The following TSNARE1 variants were observed in gnomAD, a reference collection of about 807,000 sequenced individuals.
The protein encoded by TSNARE1 is t-SNARE domain-containing protein 1.
A neutral mutation model predicts 62.0 loss-of-function variants in TSNARE1; 49 were observed. The observed-to-expected ratio is 0.79, with a 90% CI of 0.63 to 1.00. The LOEUF is 1.00. Ranked by LOEUF, TSNARE1 falls within the 50% of genes least tolerant of loss-of-function variation. The pLI, the probability that TSNARE1 is intolerant of heterozygous loss-of-function variation, is 0.00. For missense variants in TSNARE1, 755 were observed against 700.1 expected, an observed-to-expected ratio of 1.08 and a Z score of -0.88; for synonymous variants, 328 against 294.4, an observed-to-expected ratio of 1.11 and a Z score of -1.17.
At position 142,316,350 on chromosome 8, in the gene TSNARE1, T is replaced by G. The variant is rs1041572206; in HGVS notation, c.985-1258A>C. On this transcript the variant is annotated intron_variant, in intron 7 of 13. Transcript: ENST00000524325. ...AGGAGTGACCCATGCATGGAAAGGC[T>G]CCAGGCCGCTCAGCACAAAGCTCCC... is the stretch of plus-strand genomic sequence containing the variant. 4.6e-5 allele frequency among the ~76,000 whole-genome samples: 7 copies of G among 151,758 alleles called. No individual in the cohort carries two copies. In the South Asian group the frequency reaches 1.2e-3, roughly 27 times the overall value.
At chr8:142,328,259 T>G (rs930373678) in intron 6 of TSNARE1, among the ~76,000 whole-genome samples, 1 of 152,188 alleles carries the variant, frequency 6.6e-6, no homozygotes, top group Admixed American at 6.5e-5. Context: ...TATAAGGGAG[T>G]AAGTACATCC....
At chr8:142,251,656 TC>T (rs1248840493) in intron 12 of TSNARE1, among the ~76,000 whole-genome samples, 2 of 152,074 alleles carry the variant, frequency 1.3e-5, no homozygotes, top group Non-Finnish European at 2.9e-5. Context: ...ACTGAGTGCC[TC>T]TTGCCAGGGC....
At chr8:142,280,214 G>A (rs1056111526) in intron 11 of TSNARE1, 79 of 985,398 alleles carry the variant, frequency 8.0e-5, no homozygotes, top group Admixed American at 6.8e-4. Context: ...GTGCGGGAGT[G>A]GGGGCCCGGC....
At chr8:142,312,740 C>A (rs1015973484) in intron 9 of TSNARE1, among the ~76,000 whole-genome samples, 2 of 152,206 alleles carry the variant, frequency 1.3e-5, no homozygotes, top group East Asian at 1.9e-4. Flanking sequence ...GTGCTGCAAT[C>A]CCCTTGTGCT....
At chr8:142,398,467 C>G (rs1023486995) in intron 1 of TSNARE1, among the ~76,000 whole-genome samples, 8 of 152,048 alleles carry the variant, frequency 5.3e-5, no homozygotes, top group Non-Finnish European at 1.2e-4. Flanking sequence ...GAGTCAGCTC[C>G]CCTCTCCACC....
chr8:142,280,780 G>A (rs937448493), intron 11 of TSNARE1, among the ~76,000 whole-genome samples: 1 of 152,192 alleles, frequency 6.6e-6, no homozygotes, highest in Non-Finnish European at 1.5e-5. Context: ...ACCTCTGGAA[G>A]CTGACAGTGG....
At chr8:142,307,675 G>A (rs557967123) in intron 9 of TSNARE1, among the ~76,000 whole-genome samples, 1 of 152,194 alleles carries the variant, frequency 6.6e-6, no homozygotes, top group Non-Finnish European at 1.5e-5. Context: ...AATATTTTCA[G>A]TCTGAGTGGT....
At chr8:142,229,330 C>G in intron 13 of TSNARE1, 143 bp downstream of exon 13, 1 of 679,648 alleles carries the variant, frequency 1.5e-6, no homozygotes, top group South Asian at 1.8e-5. Context: ...GATGGATGGA[C>G]AGATGGACGG....
Position 142,380,796 on chromosome 8 carries a change from C to T in TSNARE1, c.-40+22308G>A, listed in dbSNP as rs139830312. 9.5e-3 allele frequency among the ~76,000 whole-genome samples: 1,452 copies of T among 152,260 alleles called. 13 individuals are homozygous for T. The highest frequency in any genetic ancestry group is 0.02 in the East Asian group (106 of 5,180). On this transcript the variant is annotated intron_variant, in intron 1 of 13. Coordinates refer to ENST00000524325, the MANE Select transcript of TSNARE1 (RefSeq NM_145003.5). Reference sequence around the variant, plus strand: ...AGGGACGGCCCACGGCGGATGCCACCGACACCACCTGCTGACAGGCGTGGT... The same window carrying T: ...AGGGACGGCCCACGGCGGATGCCACTGACACCACCTGCTGACAGGCGTGGT...
chr8:142,329,565 G>A (rs191320550), intron 6 of TSNARE1, among the ~76,000 whole-genome samples: 41 of 152,286 alleles, frequency 2.7e-4, no homozygotes, highest in Non-Finnish European at 4.7e-4. Context: ...CCACAGACCC[G>A]GCCCAGAGTT....
At chr8:142,293,923 C>G (rs1824243797) in intron 10 of TSNARE1, among the ~76,000 whole-genome samples, 2 of 152,206 alleles carry the variant, frequency 1.3e-5, no homozygotes, top group South Asian at 4.1e-4. Flanking sequence ...TAAGCTTCCC[C>G]TGGCCACCAC....
intron 9 of TSNARE1, among the ~76,000 whole-genome samples, chr8:142,302,625 C>T (rs1385385119): frequency 2.0e-5 from 3 of 152,162 alleles, no homozygotes; most frequent in African/African-American, 7.2e-5. Flanking sequence ...TGGGAAAGGC[C>T]CCGCAAAGCA....
chr8:142,321,493 T>C (rs530241756), intron 6 of TSNARE1, among the ~76,000 whole-genome samples: 3 of 151,884 alleles, frequency 2.0e-5, no homozygotes, highest in Non-Finnish European at 2.9e-5. Context: ...CAATAATTAA[T>C]AAAATAGCAA....
intron 1 of TSNARE1, among the ~76,000 whole-genome samples, chr8:142,368,436 G>T (rs978483605): frequency 6.7e-6 from 1 of 149,734 alleles, no homozygotes; most frequent in African/African-American, 2.5e-5. Flanking sequence ...AGAGAGTGCT[G>T]CCCGAACCTA....
chr8:142,342,041 G>A (rs756172248), intron 4 of TSNARE1, among the ~76,000 whole-genome samples: 13 of 152,234 alleles, frequency 8.5e-5, no homozygotes, highest in African/African-American at 7.2e-5. Context: ...CCACTACAGC[G>A]GCTGCCAGAG....
rs553740926 is a variant in TSNARE1, at chr8:142,244,751, G to A, written c.1447-15172C>T. ...AGCAACTAAGACAGTGAGCGGGGAC[G>A]CAGGGAGAGAGACGCTTACCGCAGC... On this transcript the variant is annotated intron_variant, in intron 12 of 13. Transcript: ENST00000524325. Among the ~76,000 whole-genome samples the A allele has an allele frequency of 2.6e-4, 39 of 152,350 alleles. No individual in the cohort carries two copies. In the South Asian group the frequency reaches 7.7e-3, roughly 30 times the overall value.
intron 1 of TSNARE1, among the ~76,000 whole-genome samples, chr8:142,392,114 C>T (rs1192019882): frequency 1.3e-5 from 2 of 152,170 alleles, no homozygotes; most frequent in Non-Finnish European, 2.9e-5. Context: ...ACCTCCGTCT[C>T]CCAGGTTCAA....
intron 4 of TSNARE1, among the ~76,000 whole-genome samples, chr8:142,337,575 C>A (rs1272110839): frequency 3.9e-4 from 60 of 152,226 alleles, no homozygotes; most frequent in Non-Finnish European, 8.8e-5. Context: ...ACTGAGGGAG[C>A]CGCGGGGAGT....
chr8:142,213,204 C>A (rs549579680), intron 13 of TSNARE1, among the ~76,000 whole-genome samples: 2 of 34,488 alleles, frequency 5.8e-5, no homozygotes, highest in South Asian at 3.8e-3. Context: ...CCCTTCCCTA[C>A]CCCCTCCGCC....
Sources: allele counts gnomAD v4.1 joint callset (sites outside exome capture counted in the v4.1 genomes callset), GRCh38; gene constraint gnomAD v4.1.1; transcripts MANE v1.5; gene names NCBI Gene and HGNC (gene_info 2026-07-23, HGNC 2026-07-21).